Variants in DIXDC1 observed in about 807,000 individuals in gnomAD.
DIXDC1 encodes DIX domain containing 1, also known as dixin.
In DIXDC1, 64 loss-of-function variants were observed where a neutral mutation model predicts 103.1. That is an observed-to-expected ratio of 0.62 (90% CI 0.51 to 0.76). The LOEUF is 0.76. Among genes scored for constraint, DIXDC1 ranks in the 30% least tolerant of loss-of-function variants. DIXDC1 has a pLI of 0.00. For missense variants in DIXDC1, 759 were observed against 834.2 expected (o/e 0.91, Z 1.11); for synonymous variants, 266 against 298.5 (o/e 0.89, Z 1.12).
At chr11:112,016,203 G>A (rs1030253824) in intron 17 of DIXDC1, 4 of 152,446 alleles carry the variant, frequency 2.6e-5, no homozygotes, top group African/African-American at 9.7e-5. Flanking sequence ...CTAAGGTTCT[G>A]TACCTTTTAG....
intron 17 of DIXDC1, among the ~76,000 whole-genome samples, chr11:112,011,420 A>T (rs1388956422): frequency 1.3e-5 from 2 of 152,222 alleles, no homozygotes; most frequent in African/African-American, 4.8e-5. Flanking sequence ...TCTAGACTAG[A>T]AATACCATTT....
In DIXDC1 at chr11:111,976,090, G is replaced by A. The variant is rs1024211979; in HGVS notation, c.656+1107G>A. ...TCATCACCCCAAAAGGAAGCCCTGC[G>A]CCCATTAAGCAGCAGGTGTGCTTTT... On this transcript the variant is annotated intron_variant, in intron 5 of 19. Coordinates refer to ENST00000440460, the MANE Select transcript of DIXDC1 (RefSeq NM_001037954.4). This position sits in a 1 kb window ranked among gnomAD's most constrained non-coding sequence, Gnocchi z 4.3. 2 of 209,196 alleles carry A rather than the reference G, an allele frequency of 9.6e-6. No homozygotes were observed. The highest frequency in any genetic ancestry group is 1.7e-5 in the Non-Finnish European group (2 of 120,382). The allele number at this position is 209,196 out of a possible 1,614,324, so 13.0% of individuals were successfully genotyped here. A position where few individuals can be genotyped will look rare whatever the true frequency, so the allele number is the denominator to read the frequency against.
chr11:111,974,805 C>G (rs1860045108), intron 4 of DIXDC1, 71 bp from the exon 5 acceptor site: 2 of 1,571,300 alleles, frequency 1.3e-6, no homozygotes. Context: ...GTGGCAGTCT[C>G]TCTGTACTTG....
intron 3 of DIXDC1, among the ~76,000 whole-genome samples, chr11:111,973,120 C>T (rs1163158739): frequency 6.6e-6 from 1 of 151,264 alleles, no homozygotes; most frequent in Non-Finnish European, 1.5e-5. Flanking sequence ...CCTGTAATCC[C>T]AGCACTTTGG....
intron 14 of DIXDC1, 61 bp downstream of exon 14, chr11:111,993,801 C>A (rs1860789627): frequency 6.3e-7 from 1 of 1,578,706 alleles, no homozygotes; most frequent in African/African-American, 1.3e-5. Context: ...GATTGTGTTT[C>A]TGACTCAGAG....
intron 17 of DIXDC1, among the ~76,000 whole-genome samples, chr11:112,011,706 A>G (rs1333573738): frequency 6.6e-6 from 1 of 152,192 alleles, no homozygotes; most frequent in Non-Finnish European, 1.5e-5. Context: ...CACAAGGACC[A>G]AAAACCAAAC....
Position 111,983,297 on chromosome 11 carries a change from G to A in DIXDC1, c.918+810G>A, listed in dbSNP as rs59549221. ...TGGCAGCCGGCAGGCGGTGGAGGGC[G>A]TGCTCCCAGCTAGCCTGCAACAGGG... On this transcript the variant is annotated intron_variant, in intron 7 of 19. Transcript: ENST00000440460. 1.1e-4 allele frequency among the ~76,000 whole-genome samples: 17 copies of A among 152,328 alleles called. No individual in the cohort carries two copies. The East Asian group carries it at 2.3e-3, about 21-fold the overall frequency.
rs1555173689 is a variant in DIXDC1, at chr11:111,985,230, A to G, written c.919-2A>G. On this transcript the variant is annotated splice_acceptor_variant, in intron 7 of 19. Transcript: ENST00000440460. LOFTEE classifies it high-confidence loss of function. ...TTTCTTTCTGCCTTTGTGGTTATTC[A>G]GGCCTTACTGCTCAATGGATCCTTA... 1 of 1,612,168 alleles carries G rather than the reference A, an allele frequency of 6.2e-7. No homozygotes were observed. Among genetic ancestry groups the G allele is most frequent in the Admixed American group, 1.7e-5 (1 of 59,826 alleles).
exon 2 of DIXDC1, chr11:111,929,819 T>C: frequency 6.7e-7 from 1 of 1,493,268 alleles, no homozygotes. Context: ...CTGTTTTAGA[T>C]GGCCCTGATT....
At chr11:111,927,504 A>C (rs1965863485) in intron 1 of DIXDC1, 1 of 152,368 alleles carries the variant, frequency 6.6e-6, no homozygotes, top group Non-Finnish European at 1.5e-5. Context: ...CTAAAATTTC[A>C]AAGACCAAAC....
intron 15 of DIXDC1, 84 bp downstream of exon 15, chr11:111,995,192 CT>C: frequency 7.0e-7 from 1 of 1,424,138 alleles, no homozygotes; most frequent in Non-Finnish European, 9.7e-7. Context: ...TGGATGAGGC[CT>C]TTTATATTCC....
At chr11:111,964,472 C>T (rs906147596) in intron 1 of DIXDC1, 77 bp from the exon 2 acceptor site, 36 of 1,520,596 alleles carry the variant, frequency 2.4e-5, no homozygotes, top group East Asian at 4.9e-5. Context: ...CAGTCACAAA[C>T]GCTTCCTCAG....
chr11:111,936,315 G>T (rs587758820), upstream of DIXDC1, among the ~76,000 whole-genome samples: 1 of 152,208 alleles, frequency 6.6e-6, no homozygotes, highest in Non-Finnish European at 1.5e-5. Context: ...AGTTGCAAAT[G>T]ACTAGTATTC....
chr11:111,955,137 C>T (rs958805125), intron 1 of DIXDC1, among the ~76,000 whole-genome samples: 6 of 151,870 alleles, frequency 4.0e-5, no homozygotes, highest in Non-Finnish European at 8.8e-5. Flanking sequence ...TAAGAAATAG[C>T]TCAGCCTGGG....
Position 111,980,842 on chromosome 11 carries a change from C to A in DIXDC1, c.762C>A (p.Asn254Lys). Residue 254 changes from asparagine (N) to lysine (K), a missense_variant, in exon 6 of 20, where the codon AAC becomes AAA. Asn to Lys is a moderately conservative substitution (Grantham distance 94, BLOSUM62 0). Around this residue, in one of 3 missense-constraint regions of DIXDC1, gnomAD observed 657 missense variants for 727.5 expected, o/e 0.90. Coordinates refer to ENST00000440460, the MANE Select transcript of DIXDC1 (RefSeq NM_001037954.4). ...FVIIPAEGIE[N>K]RTEGTDSPLS... is the part of the protein sequence containing the mutation. Reference sequence around the variant, plus strand: ...TTATTCCCGCTGAAGGAATAGAGAACAGAACAGGTACTATCTCTACGCCTG... The same window carrying A: ...TTATTCCCGCTGAAGGAATAGAGAAAAGAACAGGTACTATCTCTACGCCTG... 3 of 1,612,964 alleles carry A rather than the reference C, an allele frequency of 1.9e-6. No homozygotes were observed. Among genetic ancestry groups the A allele is most frequent in the Non-Finnish European group, 2.5e-6 (3 of 1,179,006 alleles).
intron 5 of DIXDC1, chr11:111,975,374 G>A (rs1401387421): frequency 9.5e-7 from 1 of 1,053,330 alleles, no homozygotes; most frequent in African/African-American, 1.7e-5. Flanking sequence ...GGAAAAGTCT[G>A]TGTAAAGCTC....
chr11:111,999,902 G>C (rs782367788), intron 17 of DIXDC1, among the ~76,000 whole-genome samples: 11 of 152,132 alleles, frequency 7.2e-5, no homozygotes, highest in Non-Finnish European at 1.0e-4. Flanking sequence ...TTGGGAGGCT[G>C]AAGCAGGCGG....
At position 111,958,855 on chromosome 11, in the gene DIXDC1, C is replaced by T. The variant is rs1002285262; in HGVS notation, c.61-5694C>T. Among the ~76,000 whole-genome samples the T allele has an allele frequency of 5.3e-5, 8 of 152,160 alleles. No homozygotes were observed. The highest frequency in any genetic ancestry group is 7.2e-5 in the African/African-American group (3 of 41,444). ...CAACCAGACTTGGAAAATGATGGGACGACCTGCCTGCGGAGAGGAGCTACC... is the reference window on the plus strand; with the variant it reads ...CAACCAGACTTGGAAAATGATGGGATGACCTGCCTGCGGAGAGGAGCTACC... On this transcript the variant is annotated intron_variant, in intron 1 of 19. Coordinates refer to ENST00000440460, the MANE Select transcript of DIXDC1 (RefSeq NM_001037954.4). The surrounding 1 kb of genome is among the most constrained non-coding windows in gnomAD (Gnocchi z 4.2).
intron 5 of DIXDC1, chr11:111,975,683 A>G (rs1860074309): frequency 1.0e-6 from 1 of 985,550 alleles, no homozygotes; most frequent in Non-Finnish European, 1.2e-6. Context: ...GCTGAATCAT[A>G]ATTTATGCTC....
Sources: allele counts gnomAD v4.1 joint callset (sites outside exome capture counted in the v4.1 genomes callset), GRCh38; gene constraint gnomAD v4.1.1; regional missense constraint gnomAD v4.1.1; non-coding constraint Gnocchi (gnomAD v3.1); transcripts MANE v1.5; gene names NCBI Gene and HGNC (gene_info 2026-07-23, HGNC 2026-07-21).